SNCAIP: variants seen among roughly 807,000 people sequenced by gnomAD.
SNCAIP encodes the protein synphilin-1.
Under a neutral mutation model 86.7 loss-of-function variants are expected in SNCAIP, and 43 were observed. The ratio of observed to expected loss-of-function variants is 0.50; its 90% CI spans 0.39 to 0.64. The LOEUF (loss-of-function observed/expected upper bound fraction) is 0.64. Among genes scored for constraint, SNCAIP ranks in the 30% least tolerant of loss-of-function variants. The probability of loss-of-function intolerance (pLI) is 0.00; values close to 1 mark genes in which losing one functional copy is unlikely to be tolerated. For synonymous variants in SNCAIP, 417 were observed against 427.2 expected, an observed-to-expected ratio of 0.98 and a Z score of 0.29; for missense variants, 981 against 1,103.1, an observed-to-expected ratio of 0.89 and a Z score of 1.57.
At position 122,449,947 on chromosome 5, in the gene SNCAIP, G is replaced by A; in HGVS notation, c.1685+10G>A. 3 of 1,568,092 alleles carry A rather than the reference G, an allele frequency of 1.9e-6. No homozygotes were observed. Among genetic ancestry groups the A allele is most frequent in the Non-Finnish European group, 2.6e-6 (3 of 1,138,148 alleles). ...TCCCTTCTTCACCCAGGTAATACCA[G>A]CACATTGTTGTTTAGCATTCTTAAG... On this transcript the variant is annotated intron_variant, in intron 9 of 10. Coordinates refer to ENST00000261368, the MANE Select transcript of SNCAIP (RefSeq NM_005460.4).
rs76426214 is a variant in SNCAIP, at chr5:122,447,847, A to G, written c.1593-1998A>G. Reference sequence around the variant, plus strand: ...GGCAGAGTTGAGAAGTTGGGATACAATTGTATGGTTCACAGCCTAAAATAT... The same window carrying G: ...GGCAGAGTTGAGAAGTTGGGATACAGTTGTATGGTTCACAGCCTAAAATAT... On this transcript the variant is annotated intron_variant, in intron 8 of 10. Transcript: ENST00000261368. Among the ~76,000 whole-genome samples the G allele has an allele frequency of 1.8e-3, 278 of 152,320 alleles. 5 individuals carry two copies. In the East Asian group the frequency reaches 0.037, roughly 20 times the overall value.
At chr5:122,390,467 G>A (rs1266725483) in intron 1 of SNCAIP, among the ~76,000 whole-genome samples, 2 of 152,206 alleles carry the variant, frequency 1.3e-5, no homozygotes, top group Admixed American at 1.3e-4. Context: ...GCACAGTCAG[G>A]CAAAGCTGTT....
chr5:122,396,634 G>T (rs982174662), intron 2 of SNCAIP, among the ~76,000 whole-genome samples: 1 of 152,296 alleles, frequency 6.6e-6, no homozygotes, highest in African/African-American at 2.4e-5. Context: ...TAAGCTTGGG[G>T]TGAATGACAC....
chr5:122,384,492 C>T (rs868529307), intron 1 of SNCAIP, among the ~76,000 whole-genome samples: 2 of 152,250 alleles, frequency 1.3e-5, no homozygotes, highest in Non-Finnish European at 1.5e-5. Flanking sequence ...GCCCTGGTTG[C>T]GTGAATTTGA....
At position 122,425,498 on chromosome 5, in the gene SNCAIP, T is replaced by G; in HGVS notation, c.1149T>G (p.Thr383=). ...MGEDCLNERN[T]EKLTPAGLAI... Reference sequence around the variant, plus strand: ...AAGACTGCCTCAATGAGCGCAACACTGAGAAGTTGACTCCAGCAGGCCTGG... The same window carrying G: ...AAGACTGCCTCAATGAGCGCAACACGGAGAAGTTGACTCCAGCAGGCCTGG... The change falls in exon 5 of 11, where the codon ACT becomes ACG. Residue 383 remains threonine, a synonymous_variant. Coordinates refer to ENST00000261368, the MANE Select transcript of SNCAIP (RefSeq NM_005460.4). 1 of 1,614,120 alleles carries G rather than the reference T, an allele frequency of 6.2e-7. No homozygotes were observed. Among genetic ancestry groups the G allele is most frequent in the Non-Finnish European group, 8.5e-7 (1 of 1,180,006 alleles).
At chr5:122,337,192 C>G (rs796984325) in intron 1 of SNCAIP, among the ~76,000 whole-genome samples, 8 of 152,106 alleles carry the variant, frequency 5.3e-5, no homozygotes, top group African/African-American at 1.9e-4. Flanking sequence ...ATTGTGGGTG[C>G]AGAACAATGT....
rs532563217 is a variant in SNCAIP at position 122,368,063 on chromosome 5, C to A, written c.-46-23026C>A. ...TCTGACTTTGGAGTCGTAGGGCCATCTCTAACAGACTTTGCCATTGCAATT... is the reference window on the plus strand; with the variant it reads ...TCTGACTTTGGAGTCGTAGGGCCATATCTAACAGACTTTGCCATTGCAATT... On this transcript the variant is annotated intron_variant, in intron 1 of 10. Coordinates refer to ENST00000261368, the MANE Select transcript of SNCAIP (RefSeq NM_005460.4). Among the ~76,000 whole-genome samples the A allele has an allele frequency of 3.3e-5, 5 of 152,250 alleles. No individual in the cohort carries two copies. The South Asian group carries it at 1.0e-3, about 32-fold the overall frequency.
chr5:122,461,525 CT>C (rs1215204802), intron 10 of SNCAIP, among the ~76,000 whole-genome samples: 1 of 152,084 alleles, frequency 6.6e-6, no homozygotes, highest in African/African-American at 2.4e-5. Context: ...TTTTTCCATA[CT>C]TTGACTTTTT....
intron 5 of SNCAIP, among the ~76,000 whole-genome samples, chr5:122,430,239 A>G (rs1478058934): frequency 6.6e-6 from 1 of 152,204 alleles, no homozygotes; most frequent in Non-Finnish European, 1.5e-5. Flanking sequence ...CCCTCAGTGA[A>G]GCCTCCCTTG....
intron 1 of SNCAIP, among the ~76,000 whole-genome samples, chr5:122,356,487 A>G (rs553520833): frequency 6.6e-6 from 1 of 152,254 alleles, no homozygotes; most frequent in African/African-American, 2.4e-5. Flanking sequence ...GACTGAACTA[A>G]TTGGTCACAT....
intron 8 of SNCAIP, 29 bp downstream of exon 8, chr5:122,444,761 C>T (rs1445096224): frequency 6.3e-7 from 1 of 1,588,046 alleles, no homozygotes; most frequent in African/African-American, 1.3e-5. Context: ...CCATGAGAAC[C>T]AAGTCTAACT....
chr5:122,421,833 C>G (rs1330332533), intron 3 of SNCAIP, among the ~76,000 whole-genome samples: 1 of 152,036 alleles, frequency 6.6e-6, no homozygotes, highest in African/African-American at 2.4e-5. Context: ...ACTGTTATTG[C>G]TCCATCTGCT....
intron 9 of SNCAIP, among the ~76,000 whole-genome samples, chr5:122,450,327 C>G (rs181858696): frequency 6.6e-6 from 1 of 152,296 alleles, no homozygotes; most frequent in Non-Finnish European, 1.5e-5. Context: ...ATTTAGTAGT[C>G]ATGGTAGTTA....
At chr5:122,361,377 C>T (rs1161688289) in intron 1 of SNCAIP, among the ~76,000 whole-genome samples, 5 of 152,202 alleles carry the variant, frequency 3.3e-5, no homozygotes, top group East Asian at 1.9e-4. Flanking sequence ...TCTCTGACCT[C>T]GTGAATCCTG....
chr5:122,375,038 G>A (rs1249914276), intron 1 of SNCAIP, among the ~76,000 whole-genome samples: 1 of 152,084 alleles, frequency 6.6e-6, no homozygotes, highest in Non-Finnish European at 1.5e-5. Flanking sequence ...CCAAATGAAA[G>A]CATTGGATTA....
intron 1 of SNCAIP, chr5:122,321,506 T>G (rs933671438): frequency 1.3e-5 from 2 of 152,234 alleles, no homozygotes; most frequent in East Asian, 3.9e-4. Flanking sequence ...TTCACAAGGT[T>G]GTTTTCTCAA....
At chr5:122,416,214 A>C (rs766604399) in intron 3 of SNCAIP, among the ~76,000 whole-genome samples, 10 of 152,208 alleles carry the variant, frequency 6.6e-5, no homozygotes, top group Non-Finnish European at 1.2e-4. Flanking sequence ...TTCTGGGCAG[A>C]GCTGGGAATA....
intron 8 of SNCAIP, among the ~76,000 whole-genome samples, chr5:122,446,009 G>A (rs145452114): frequency 6.6e-4 from 100 of 151,820 alleles, no homozygotes; most frequent in African/African-American, 2.2e-3. Flanking sequence ...GAAAAAAAGG[G>A]GTTACTGCCA....
chr5:122,331,090 C>T (rs1388693441), intron 1 of SNCAIP, among the ~76,000 whole-genome samples: 3 of 152,118 alleles, frequency 2.0e-5, no homozygotes, highest in East Asian at 3.9e-4. Flanking sequence ...GAAGTAATGC[C>T]AGCAGTGGGG....
Sources: allele counts gnomAD v4.1 joint callset (sites outside exome capture counted in the v4.1 genomes callset), GRCh38; gene constraint gnomAD v4.1.1; transcripts MANE v1.5; gene names NCBI Gene and HGNC (gene_info 2026-07-23, HGNC 2026-07-21).